Variants in GON4L observed in about 807,000 individuals in gnomAD.
The protein encoded by GON4L is gon-4 like.
In GON4L, 87 loss-of-function variants were observed where a neutral mutation model predicts 211.8. The ratio of observed to expected loss-of-function variants is 0.41; its 90% CI spans 0.35 to 0.49. GON4L has a LOEUF of 0.49. Ranked by LOEUF, GON4L falls within the 20% of genes least tolerant of loss-of-function variation. The pLI is 0.15. For synonymous variants in GON4L, 875 were observed against 962.6 expected (o/e 0.91, Z 1.68); for missense variants, 2,155 against 2,659.5 (o/e 0.81, Z 4.17).
intron 6 of GON4L, 138 bp from the exon 7 acceptor site, chr1:155,816,400 AGGG>A: frequency 1.7e-6 from 1 of 591,374 alleles, no homozygotes; most frequent in Non-Finnish European, 3.1e-6. Flanking sequence ...ATTATCCCTG[AGGG>A]TATACTCTCA....
chr1:155,787,123 C>A (rs1356632879), intron 12 of GON4L, among the ~76,000 whole-genome samples: 1 of 151,748 alleles, frequency 6.6e-6, no homozygotes, highest in Non-Finnish European at 1.5e-5. Context: ...GGGGTTTCAC[C>A]ATGGTCTCGA....
downstream of GON4L, chr1:155,745,878 C>G (rs1245592362): frequency 1.0e-6 from 1 of 998,084 alleles, no homozygotes; most frequent in Admixed American, 2.6e-5. Context: ...GGACATTTTG[C>G]CGGTTTCGTG....
Position 155,750,352 on chromosome 1 carries a change from A to G in GON4L, c.*232T>C. The G allele has an allele frequency of 4.5e-6, 3 of 659,418 alleles. No individual in the cohort carries two copies. Among genetic ancestry groups the G allele is most frequent in the Non-Finnish European group, 7.9e-6 (3 of 379,670 alleles). The allele number at this position is 659,418 out of a possible 1,614,324, so 40.8% of individuals were successfully genotyped here. A position where few individuals can be genotyped will look rare whatever the true frequency, so the allele number is the denominator to read the frequency against. On this transcript the variant is annotated 3_prime_UTR_variant, in exon 32 of 32. Coordinates refer to ENST00000368331, the MANE Select transcript of GON4L (RefSeq NM_001282860.2). ...AGAAAGGAGCTGAACTCCACTCTCG[A>G]TGCTATTTACAGAGGACATCTGTAA... is the stretch of plus-strand genomic sequence containing the variant.
Position 155,848,873 on chromosome 1 carries a change from C to T in GON4L, c.505+4403G>A, listed in dbSNP as rs1042363775. 1.1e-4 allele frequency among the ~76,000 whole-genome samples: 16 copies of T among 152,306 alleles called. No homozygotes were observed. In the East Asian group the frequency reaches 2.7e-3, roughly 26 times the overall value. ...TAAAACTACGGAATTGTAGGTCGGGCGCGGTGGCTCACGCCTGTAATCCCA... is the reference window on the plus strand; with the variant it reads ...TAAAACTACGGAATTGTAGGTCGGGTGCGGTGGCTCACGCCTGTAATCCCA... On this transcript the variant is annotated intron_variant, in intron 2 of 31. Transcript: ENST00000368331.
At chr1:155,839,777 G>A (rs1432580926) in intron 2 of GON4L, among the ~76,000 whole-genome samples, 1 of 152,104 alleles carries the variant, frequency 6.6e-6, no homozygotes, top group Non-Finnish European at 1.5e-5. Flanking sequence ...ATGTGATTAA[G>A]TTAGCTATAA....
chr1:155,808,188 C>T (rs760260306), intron 10 of GON4L, among the ~76,000 whole-genome samples: 11 of 151,964 alleles, frequency 7.2e-5, no homozygotes, highest in Non-Finnish European at 1.0e-4. Flanking sequence ...AGGTGTGCGC[C>T]ACCACACCCA....
chr1:155,771,014 G>T, intron 19 of GON4L, 53 bp downstream of exon 19: 1 of 1,610,396 alleles, frequency 6.2e-7, no homozygotes, highest in Non-Finnish European at 8.5e-7. Flanking sequence ...CAAGATAAAA[G>T]AATGGGTACA....
intron 13 of GON4L, 106 bp from the exon 14 acceptor site, chr1:155,784,195 T>C (rs1664700076): frequency 6.8e-7 from 1 of 1,462,766 alleles, no homozygotes; most frequent in African/African-American, 1.4e-5. Flanking sequence ...ACTATAATAA[T>C]GCTGGCACCC....
At chr1:155,777,303 G>A (rs901698574) in intron 15 of GON4L, among the ~76,000 whole-genome samples, 1 of 152,154 alleles carries the variant, frequency 6.6e-6, no homozygotes, top group Non-Finnish European at 1.5e-5. Context: ...ATTAACAGCA[G>A]GGCGCAGTGG....
chr1:155,856,855 C>T (rs1264195305), intron 1 of GON4L, among the ~76,000 whole-genome samples: 1 of 149,542 alleles, frequency 6.7e-6, no homozygotes, highest in Admixed American at 6.6e-5. Context: ...ACAGAATCCA[C>T]TTTTTTGGGA....
chr1:155,855,143 C>T (rs1018745805), intron 1 of GON4L, among the ~76,000 whole-genome samples: 1 of 151,974 alleles, frequency 6.6e-6, no homozygotes, highest in African/African-American at 2.4e-5. Flanking sequence ...TGGCTTTTTG[C>T]TTCAATTCTA....
intron 12 of GON4L, among the ~76,000 whole-genome samples, chr1:155,793,674 T>C (rs1199898317): frequency 6.6e-6 from 1 of 152,154 alleles, no homozygotes; most frequent in African/African-American, 2.4e-5. Context: ...AGTGGCACTA[T>C]CATAGTTTGC....
chr1:155,765,950 G>T lies in GON4L; in HGVS notation c.3523C>A (p.Pro1175Thr). 1 of 1,614,144 alleles carries T rather than the reference G, an allele frequency of 6.2e-7. No individual in the cohort carries two copies. Among genetic ancestry groups the T allele is most frequent in the Non-Finnish European group, 8.5e-7 (1 of 1,180,026 alleles). Reference sequence around the variant, plus strand: ...AGGGTAGTGATGGGAATAGTCTGGGGACTCTGGGCCACAGCCGCATTGACA... The same window carrying T: ...AGGGTAGTGATGGGAATAGTCTGGGTACTCTGGGCCACAGCCGCATTGACA... ...QPVNAAVAQS[P>T]QTIPITTLLV... Residue 1175 changes from proline (P) to threonine (T), a missense_variant, in exon 21 of 32, where the codon CCC becomes ACC. Coordinates refer to ENST00000368331, the MANE Select transcript of GON4L (RefSeq NM_001282860.2).
chr1:155,784,177 A>C lies in GON4L; in HGVS notation c.1789-88T>G. 2.0e-6 allele frequency: 3 copies of C among 1,535,040 alleles called. No individual in the cohort carries two copies. In the Middle Eastern group the frequency reaches 5.1e-4, roughly 259 times the overall value. ...TGGGAAGGAAGAGTGAAAACTATAG[A>C]TTACAAGACTATAATAATGCTGGCA... On this transcript the variant is annotated intron_variant, in intron 13 of 31. Transcript: ENST00000368331.
intron 1 of GON4L, among the ~76,000 whole-genome samples, chr1:155,856,221 T>C (rs745619015): frequency 3.3e-5 from 5 of 150,814 alleles, no homozygotes; most frequent in East Asian, 3.9e-4. Context: ...TTTTCTTTCT[T>C]TCTCTCTCTC....
intron 2 of GON4L, among the ~76,000 whole-genome samples, chr1:155,849,665 T>C (rs1671591382): frequency 6.7e-6 from 1 of 149,264 alleles, no homozygotes; most frequent in South Asian, 2.1e-4. Flanking sequence ...TCCCAGCTAC[T>C]CGGGAGGCTA....
intron 22 of GON4L, 120 bp from the exon 23 acceptor site, chr1:155,762,494 G>A: frequency 6.1e-6 from 5 of 821,826 alleles, no homozygotes; most frequent in Non-Finnish European, 9.3e-6. Flanking sequence ...TCAAGGAAAA[G>A]GTTTTTGGGA....
chr1:155,815,285 T>C (rs1218852547), intron 8 of GON4L, among the ~76,000 whole-genome samples: 1 of 152,156 alleles, frequency 6.6e-6, no homozygotes, highest in Admixed American at 6.6e-5. Flanking sequence ...ACCAATAGTA[T>C]AAATGAATCT....
intron 14 of GON4L, among the ~76,000 whole-genome samples, chr1:155,783,642 A>G (rs1304689054): frequency 6.6e-6 from 1 of 152,246 alleles, no homozygotes; most frequent in African/African-American, 2.4e-5. Context: ...TGGCACATAA[A>G]AAGAACAAAA....
Sources: allele counts gnomAD v4.1 joint callset (sites outside exome capture counted in the v4.1 genomes callset), GRCh38; gene constraint gnomAD v4.1.1; transcripts MANE v1.5; gene names NCBI Gene and HGNC (gene_info 2026-07-23, HGNC 2026-07-21).